The following FHIT variants were observed in gnomAD, a reference collection of about 807,000 sequenced individuals.
The protein encoded by FHIT is fragile histidine triad diadenosine triphosphatase.
A neutral mutation model predicts 17.9 loss-of-function variants in FHIT; 19 were observed. The ratio of observed to expected loss-of-function variants is 1.06; its 90% CI spans 0.74 to 1.56. FHIT has a LOEUF of 1.56. Among genes scored for constraint, FHIT ranks in the 40% most tolerant of loss-of-function variants. The pLI is 0.00. For synonymous variants in FHIT, 81 were observed against 69.7 expected (o/e 1.16, Z -0.81); for missense variants, 248 against 189.2 (o/e 1.31, Z -1.82).
chr3:59,816,194 TTCC>T (rs1700594000), intron 8 of FHIT, among the ~76,000 whole-genome samples: 1 of 152,170 alleles, frequency 6.6e-6, no homozygotes, highest in Non-Finnish European at 1.5e-5. Flanking sequence ...GTGCCTCAAG[TTCC>T]TCTATGTAAA....
chr3:60,958,632 T>A (rs1709280920), intron 3 of FHIT, among the ~76,000 whole-genome samples: 1 of 152,168 alleles, frequency 6.6e-6, no homozygotes, highest in Non-Finnish European at 1.5e-5. Context: ...TGGCCCTTCA[T>A]CAAGTGCAAT....
chr3:61,151,824 C>T (rs555928212), intron 2 of FHIT, among the ~76,000 whole-genome samples: 1 of 151,998 alleles, frequency 6.6e-6, no homozygotes, highest in Non-Finnish European at 1.5e-5. Flanking sequence ...AAAATAAAAC[C>T]CGCCCACCTA....
intron 5 of FHIT, among the ~76,000 whole-genome samples, chr3:60,124,895 G>C (rs1183119790): frequency 1.3e-5 from 2 of 152,140 alleles, no homozygotes; most frequent in Non-Finnish European, 2.9e-5. Context: ...TGTCAGCCTG[G>C]CCACACAACT....
At chr3:60,131,137 G>A (rs191240249) in intron 5 of FHIT, among the ~76,000 whole-genome samples, 2 of 144,328 alleles carry the variant, frequency 1.4e-5, no homozygotes, top group African/African-American at 5.0e-5. Flanking sequence ...TTGGTTTCAA[G>A]ACCCCTGCAT....
intron 5 of FHIT, among the ~76,000 whole-genome samples, chr3:60,402,366 C>T (rs1469292507): frequency 6.6e-6 from 1 of 152,182 alleles, no homozygotes; most frequent in Non-Finnish European, 1.5e-5. Flanking sequence ...TGGTTGGATT[C>T]CACTGTGGCC....
At chr3:59,865,861 T>A (rs570000195) in intron 8 of FHIT, among the ~76,000 whole-genome samples, 1 of 152,152 alleles carries the variant, frequency 6.6e-6, no homozygotes, top group South Asian at 2.1e-4. Context: ...AGTGAGAGCC[T>A]GAGGTTCGGC....
At chr3:59,985,143 G>C (rs901839592) in intron 7 of FHIT, among the ~76,000 whole-genome samples, 1 of 152,126 alleles carries the variant, frequency 6.6e-6, no homozygotes, top group African/African-American at 2.4e-5. Flanking sequence ...CTTGACAGTT[G>C]AGTGGGGCAT....
At chr3:60,202,795 C>T (rs1051639477) in intron 5 of FHIT, among the ~76,000 whole-genome samples, 2 of 152,090 alleles carry the variant, frequency 1.3e-5, no homozygotes, top group Non-Finnish European at 2.9e-5. Flanking sequence ...GCTCTGTCTT[C>T]GTGCAGGTCT....
chr3:60,500,678 C>T (rs533062683), intron 5 of FHIT, among the ~76,000 whole-genome samples: 1 of 145,606 alleles, frequency 6.9e-6, no homozygotes, highest in African/African-American at 2.5e-5. Context: ...GAGGCTGAGG[C>T]AGGAGAATTG....
chr3:59,871,337 G>C (rs1702915063), intron 8 of FHIT, among the ~76,000 whole-genome samples: 1 of 152,076 alleles, frequency 6.6e-6, no homozygotes, highest in Non-Finnish European at 1.5e-5. Context: ...ATTTTGCTGT[G>C]TGCGCTATTA....
chr3:61,231,451 T>C (rs142361803), intron 1 of FHIT, among the ~76,000 whole-genome samples: 1 of 151,270 alleles, frequency 6.6e-6, no homozygotes, highest in Admixed American at 6.6e-5. Context: ...ATCATGCCAC[T>C]GCATTCCAGC....
At chr3:61,093,604 A>G (rs769861612) in intron 2 of FHIT, among the ~76,000 whole-genome samples, 16 of 152,334 alleles carry the variant, frequency 1.1e-4, no homozygotes, top group Admixed American at 2.0e-4. Context: ...CCGGGATAGG[A>G]AAGTAGATCA....
intron 3 of FHIT, among the ~76,000 whole-genome samples, chr3:60,853,625 T>C (rs1227896379): frequency 6.6e-6 from 1 of 152,182 alleles, no homozygotes; most frequent in South Asian, 2.1e-4. Flanking sequence ...ACCTTTGTAT[T>C]TGAGGATATC....
At chr3:60,662,747 T>A (rs1360391252) in intron 4 of FHIT, among the ~76,000 whole-genome samples, 1 of 152,174 alleles carries the variant, frequency 6.6e-6, no homozygotes, top group African/African-American at 2.4e-5. Context: ...GTAGTTTTCC[T>A]TGTAGTGGTC....
intron 4 of FHIT, among the ~76,000 whole-genome samples, chr3:60,805,370 A>T (rs1701346958): frequency 1.3e-5 from 2 of 152,046 alleles, no homozygotes; most frequent in African/African-American, 4.8e-5. Context: ...GTTTCTCCTG[A>T]GGCCTCTCTC....
intron 5 of FHIT, among the ~76,000 whole-genome samples, chr3:60,524,579 G>T (rs1357640108): frequency 6.6e-6 from 1 of 152,112 alleles, no homozygotes; most frequent in Non-Finnish European, 1.5e-5. Context: ...ATAAATTGGT[G>T]GCTGAAAACA....
intron 3 of FHIT, among the ~76,000 whole-genome samples, chr3:61,022,204 A>G (rs888306677): frequency 1.3e-3 from 191 of 152,196 alleles, no homozygotes; most frequent in Middle Eastern, 3.4e-3. Context: ...CCATCAGAGA[A>G]TACATAAACA....
At chr3:60,327,434 G>A (rs1019728209) in intron 5 of FHIT, among the ~76,000 whole-genome samples, 1 of 152,150 alleles carries the variant, frequency 6.6e-6, no homozygotes. Flanking sequence ...AGCAAAAACA[G>A]CCATAGCCAA....
intron 4 of FHIT, among the ~76,000 whole-genome samples, chr3:60,666,027 A>G (rs1445423426): frequency 6.6e-6 from 1 of 152,114 alleles, no homozygotes; most frequent in Non-Finnish European, 1.5e-5. Context: ...CTAGTTTGAA[A>G]CTTCACTCCC....
Sources: gnomAD v4.1 joint callset for allele counts (sites outside exome capture counted in the v4.1 genomes callset) on GRCh38, gnomAD v4.1.1 for gene constraint, MANE v1.5 for transcripts, NCBI Gene and HGNC (gene_info 2026-07-23, HGNC 2026-07-21) for gene names.